CCR3: variants seen among roughly 807,000 people sequenced by gnomAD.
CCR3 encodes the protein C-C chemokine receptor type 3.
For synonymous variants in CCR3, 203 were observed against 179.2 expected (o/e 1.13, Z -1.06); for missense variants, 419 against 437.5 (o/e 0.96, Z 0.38).
At chr3:46,215,084 C>A (rs1477197785) in intron 2 of CCR3, among the ~76,000 whole-genome samples, 1 of 152,024 alleles carries the variant, frequency 6.6e-6, no homozygotes, top group Non-Finnish European at 1.5e-5. Flanking sequence ...GGCAGGGGGT[C>A]AGGCAGGAAT....
intron 1 of CCR3, among the ~76,000 whole-genome samples, chr3:46,261,855 G>C (rs963294401): frequency 1.3e-5 from 2 of 152,252 alleles, no homozygotes; most frequent in Non-Finnish European, 2.9e-5. Context: ...CAGGGCCCTG[G>C]TGGAGGCGTA....
chr3:46,232,568 T>G (rs1311922968), intron 2 of CCR3, among the ~76,000 whole-genome samples: 1 of 152,128 alleles, frequency 6.6e-6, no homozygotes, highest in African/African-American at 2.4e-5. Flanking sequence ...AGCACAACAT[T>G]GATTTCAGAG....
chr3:46,225,634 A>G (rs1344019282), intron 2 of CCR3, among the ~76,000 whole-genome samples: 1 of 152,160 alleles, frequency 6.6e-6, no homozygotes, highest in Non-Finnish European at 1.5e-5. Flanking sequence ...ATCTCATGGT[A>G]GTTTTAATTT....
intron 2 of CCR3, among the ~76,000 whole-genome samples, chr3:46,221,264 T>C (rs973349948): frequency 4.6e-5 from 7 of 152,226 alleles, no homozygotes; most frequent in Admixed American, 2.0e-4. Flanking sequence ...GCAGAGTACC[T>C]ATAGGCCATG....
chr3:46,224,044 C>A (rs36000011), intron 2 of CCR3, among the ~76,000 whole-genome samples: 27,210 of 151,990 alleles, frequency 0.18, 4,000 homozygotes, highest in African/African-American at 0.4. Flanking sequence ...TATACAAAAT[C>A]GATTAAATAC....
chr3:46,211,733 G>T (rs558261710), intron 2 of CCR3, among the ~76,000 whole-genome samples: 2 of 151,954 alleles, frequency 1.3e-5, no homozygotes, highest in Non-Finnish European at 2.9e-5. Flanking sequence ...TAGAACACAC[G>T]CACACACACA....
At chr3:46,241,328 T>G (rs1700081988), upstream of CCR3, among the ~76,000 whole-genome samples, 1 of 152,210 alleles carries the variant, frequency 6.6e-6, no homozygotes, top group African/African-American at 2.4e-5. Flanking sequence ...AGTCAGTGTA[T>G]CAAAGATCAC....
chr3:46,235,416 A>C (rs1332909346), intron 2 of CCR3, among the ~76,000 whole-genome samples: 1 of 152,234 alleles, frequency 6.6e-6, no homozygotes, highest in African/African-American at 2.4e-5. Flanking sequence ...TCCTACAAGC[A>C]CTTCTCATAG....
intron 1 of CCR3, among the ~76,000 whole-genome samples, chr3:46,244,715 G>A (rs1265401868): frequency 6.6e-6 from 1 of 152,180 alleles, no homozygotes; most frequent in Non-Finnish European, 1.5e-5. Context: ...GCGGGGCAGG[G>A]CATTTTCACT....
chr3:46,217,474 AT>A (rs1242317721), intron 2 of CCR3, among the ~76,000 whole-genome samples: 1 of 152,198 alleles, frequency 6.6e-6, no homozygotes, highest in African/African-American at 2.4e-5. Context: ...CCTTACAGAT[AT>A]TTACAGAACA....
chr3:46,221,333 C>T (rs1158516420), intron 2 of CCR3, among the ~76,000 whole-genome samples: 1 of 152,246 alleles, frequency 6.6e-6, no homozygotes, highest in African/African-American at 2.4e-5. Context: ...ACAAATGGAT[C>T]TGACAACAGC....
chr3:46,266,232 A>G lies in CCR3; in HGVS notation c.*6A>G, dbSNP rs1286786484. 2 of 1,581,212 alleles carry G rather than the reference A, an allele frequency of 1.3e-6. No homozygotes were observed. The highest frequency in any genetic ancestry group is 1.7e-5 in the Admixed American group (1 of 58,274). On this transcript the variant is annotated 3_prime_UTR_variant, in exon 2 of 2. Coordinates refer to ENST00000395940, the MANE Select transcript of CCR3 (RefSeq NM_178329.3). ...AACTCTCTATTGTGTTTTAGGTCAG[A>G]TGCAGAAAATTGCCTAAAGAGGAAG...
At chr3:46,212,200 G>A (rs1575481714) in intron 2 of CCR3, among the ~76,000 whole-genome samples, 1 of 152,144 alleles carries the variant, frequency 6.6e-6, no homozygotes, top group Non-Finnish European at 1.5e-5. Flanking sequence ...GACCCTGGTG[G>A]TCACTGATGC....
intron 1 of CCR3, among the ~76,000 whole-genome samples, chr3:46,254,481 T>C (rs927278698): frequency 1.6e-5 from 2 of 121,674 alleles, no homozygotes; most frequent in East Asian, 6.3e-4. Context: ...GGGTTCAAAG[T>C]TCTTTTTTAA....
Position 46,265,441 on chromosome 3 carries a change from A to T in CCR3, c.283A>T (p.Arg95Trp). Residue 95 changes from arginine (R) to tryptophan (W), a missense_variant, in exon 2 of 2, where the codon AGG (arginine) becomes TGG (tryptophan). Arg to Trp is a moderately radical substitution (Grantham distance 101). Coordinates refer to ENST00000395940, the MANE Select transcript of CCR3 (RefSeq NM_178329.3). ...CCTTCCATTCTGGATCCACTATGTC[A>T]GGGGGCATAACTGGGTTTTTGGCCA... ...VTLPFWIHYV[R>W]GHNWVFGHGM... The T allele has an allele frequency of 6.2e-7, 1 of 1,614,108 alleles. No individual in the cohort carries two copies. The highest frequency in any genetic ancestry group is 8.5e-7 in the Non-Finnish European group (1 of 1,179,984).
chr3:46,213,889 A>G (rs569026734), intron 2 of CCR3, among the ~76,000 whole-genome samples: 2 of 152,270 alleles, frequency 1.3e-5, no homozygotes, highest in East Asian at 1.9e-4. Flanking sequence ...TTAAAAATCC[A>G]TGAGCCATCA....
intron 1 of CCR3, among the ~76,000 whole-genome samples, chr3:46,245,134 T>A (rs1186265340): frequency 6.6e-6 from 1 of 152,084 alleles, no homozygotes; most frequent in Non-Finnish European, 1.5e-5. Context: ...CTATTATTAA[T>A]GATTGGAAGC....
chr3:46,263,499 A>C (rs1700563899), intron 1 of CCR3: 1 of 154,072 alleles, frequency 6.5e-6, no homozygotes, highest in African/African-American at 2.4e-5. Context: ...GGAATGTGCC[A>C]TTGATCAGTG....
chr3:46,241,746 C>T (rs1198271635), upstream of CCR3, among the ~76,000 whole-genome samples: 1 of 152,138 alleles, frequency 6.6e-6, no homozygotes, highest in Non-Finnish European at 1.5e-5. Context: ...CCTTTGCAGC[C>T]ACATTTTGCC....
Sources: allele counts gnomAD v4.1 joint callset (sites outside exome capture counted in the v4.1 genomes callset), GRCh38; gene constraint gnomAD v4.1.1; transcripts MANE v1.5; gene names NCBI Gene and HGNC (gene_info 2026-07-23, HGNC 2026-07-21).